The following PRRC2B variants were observed in gnomAD, a reference collection of about 807,000 sequenced individuals.
PRRC2B encodes the protein protein PRRC2B.
PRRC2B carries 68 observed loss-of-function variants against 242.3 expected under a neutral mutation model. The observed-to-expected ratio is 0.28, with a 90% CI of 0.23 to 0.34. The LOEUF (loss-of-function observed/expected upper bound fraction) is 0.34. Among genes scored for constraint, PRRC2B ranks in the 10% least tolerant of loss-of-function variants. The pLI is 1.00. For synonymous variants in PRRC2B, 1,228 were observed against 1,173.6 expected, an observed-to-expected ratio of 1.05 and a Z score of -0.95; for missense variants, 2,835 against 2,954.8, an observed-to-expected ratio of 0.96 and a Z score of 0.94.
intron 1 of PRRC2B, among the ~76,000 whole-genome samples, chr9:131,426,017 GA>G: frequency 6.7e-6 from 1 of 149,476 alleles, no homozygotes; most frequent in Non-Finnish European, 1.5e-5. Flanking sequence ...TCAACAAAAA[GA>G]AAAAAAATCA....
intron 1 of PRRC2B, among the ~76,000 whole-genome samples, chr9:131,396,592 C>T (rs1837066184): frequency 6.6e-6 from 1 of 152,166 alleles, no homozygotes; most frequent in Non-Finnish European, 1.5e-5. Flanking sequence ...TCCCAAAGTG[C>T]TGGGATTACA....
intron 1 of PRRC2B, among the ~76,000 whole-genome samples, chr9:131,408,788 C>T (rs373947151): frequency 2.0e-5 from 3 of 150,356 alleles, no homozygotes; most frequent in Non-Finnish European, 3.0e-5. Flanking sequence ...GATATGATCT[C>T]GGCTCACTGC....
intron 25 of PRRC2B, chr9:131,485,667 T>C (rs118051327): frequency 0.025 from 13,515 of 538,518 alleles, 255 homozygotes; most frequent in Middle Eastern, 0.047. Flanking sequence ...GCTGCCAGTC[T>C]CAGTGATGTA....
intron 23 of PRRC2B, among the ~76,000 whole-genome samples, chr9:131,484,325 G>T (rs1440073936): frequency 6.6e-6 from 1 of 152,126 alleles, no homozygotes; most frequent in Non-Finnish European, 1.5e-5. Context: ...TTATACTGCC[G>T]GGACATGGCT....
rs1386424610 is a variant in PRRC2B, at chr9:131,426,943, T to A, written c.-51-3151T>A. Reference sequence around the variant, plus strand: ...GCAGCTGAATAAACTGGGATTTGGGTGAGGGAAGGGAGTTAAGTAACCAAC... The same window carrying A: ...GCAGCTGAATAAACTGGGATTTGGGAGAGGGAAGGGAGTTAAGTAACCAAC... On this transcript the variant is annotated intron_variant, in intron 1 of 31. Transcript: ENST00000683519. Among the ~76,000 whole-genome samples the A allele has an allele frequency of 2.0e-5, 3 of 152,298 alleles. 1 individual carries two copies. The highest frequency in any genetic ancestry group is 4.1e-4 in the South Asian group (2 of 4,826).
chr9:131,409,811 CTTTG>C (rs1376665882), intron 1 of PRRC2B, among the ~76,000 whole-genome samples: 4 of 152,200 alleles, frequency 2.6e-5, no homozygotes, highest in Non-Finnish European at 4.4e-5. Context: ...TCAGAAACTG[CTTTG>C]TTTATCTGGT....
rs1943901878 is a variant in PRRC2B at position 131,482,624 on chromosome 9, ATCT to A, written c.5175+65_5175+67del. 2.0e-6 allele frequency: 3 copies of A among 1,528,274 alleles called. No homozygotes were observed. The highest frequency in any genetic ancestry group is 2.1e-5 in the Admixed American group (1 of 47,782). The allele number at this position is 1,528,274 out of a possible 1,614,324, so 94.7% of individuals were successfully genotyped here. ...GGGTGGAAGGGGCCATCGTCTCATC[ATCT>A]TCCTCAATTCCTGGGACAGTAGAAG... is the stretch of plus-strand genomic sequence containing the variant. On this transcript the variant is annotated intron_variant, in intron 21 of 31. Transcript: ENST00000683519. This position sits in a 1 kb window ranked among gnomAD's most constrained non-coding sequence, Gnocchi z 5.2.
chr9:131,450,267 ATT>A (rs368794681), intron 9 of PRRC2B, among the ~76,000 whole-genome samples: 3 of 145,486 alleles, frequency 2.1e-5, no homozygotes, highest in South Asian at 2.2e-4. Context: ...GACATCTTAA[ATT>A]TTTTTTTTTT....
chr9:131,394,172 C>T lies in PRRC2B; in HGVS notation c.-143C>T, dbSNP rs1448003047. 1 of 149,596 alleles carries T rather than the reference C, an allele frequency of 6.7e-6. No individual in the cohort carries two copies. Among genetic ancestry groups the T allele is most frequent in the Non-Finnish European group, 1.5e-5 (1 of 67,004 alleles). The allele number at this position is 149,596 out of a possible 1,614,324, so 9.3% of individuals were successfully genotyped here. A position where few individuals can be genotyped will look rare whatever the true frequency, so the allele number is the denominator to read the frequency against. On this transcript the variant is annotated 5_prime_UTR_variant, in exon 1 of 32. Transcript: ENST00000683519. ...AGCGAGCGAGCAGCCCGCGCCGCCG[C>T]CTCGCAATCCGCCGCCATCCCGCCG...
Position 131,482,258 on chromosome 9 carries a change from T to G in PRRC2B, c.4984-113T>G. On this transcript the variant is annotated intron_variant, in intron 20 of 31. Transcript: ENST00000683519. The surrounding 1 kb of genome is among the most constrained non-coding windows in gnomAD (Gnocchi z 5.2). ...GGCAGGATCAAGATCAGGACCAGAC[T>G]TGGCAAGGGACAGGCAGCTGGGGTA... The G allele has an allele frequency of 8.2e-7, 1 of 1,219,216 alleles. No individual in the cohort carries two copies. The highest frequency in any genetic ancestry group is 1.2e-6 in the Non-Finnish European group (1 of 866,810). 75.5% of individuals were successfully genotyped at this position (1,219,216 alleles called of 1,614,324 possible). A position where few individuals can be genotyped will look rare whatever the true frequency, so the allele number is the denominator to read the frequency against.
At chr9:131,420,453 T>TTTCTTTCTCTCTTTCTCTC (rs1564278457) in intron 1 of PRRC2B, among the ~76,000 whole-genome samples, 1 of 60,988 alleles carries the variant, frequency 1.6e-5, no homozygotes. Context: ...TTCTTTTTCT[T>TTTCTTTCTCTCTTTCTCTC]TTTCTTTCTT....
chr9:131,413,210 T>C (rs1837550797), intron 1 of PRRC2B, among the ~76,000 whole-genome samples: 1 of 152,252 alleles, frequency 6.6e-6, no homozygotes. Context: ...TTTACCTTTC[T>C]TAGCATTCCA....
At chr9:131,409,567 G>C (rs1837453081) in intron 1 of PRRC2B, among the ~76,000 whole-genome samples, 1 of 152,184 alleles carries the variant, frequency 6.6e-6, no homozygotes, top group Non-Finnish European at 1.5e-5. Flanking sequence ...AAGGTAACTC[G>C]CATGCATTTC....
chr9:131,438,680 GGA>G (rs745781170), intron 4 of PRRC2B, among the ~76,000 whole-genome samples: 37 of 152,308 alleles, frequency 2.4e-4, no homozygotes, highest in Non-Finnish European at 3.7e-4. Context: ...AGCACCGAAT[GGA>G]GAGAAACAGG....
At chr9:131,459,455 A>T (rs1439097336) in intron 11 of PRRC2B, 99 bp downstream of exon 11, 1 of 1,011,280 alleles carries the variant, frequency 9.9e-7, no homozygotes, top group Non-Finnish European at 1.4e-6. Flanking sequence ...TTTCATTTTT[A>T]TATTTCTTCT....
chr9:131,427,027 G>T (rs998666872), intron 1 of PRRC2B, among the ~76,000 whole-genome samples: 1 of 152,238 alleles, frequency 6.6e-6, no homozygotes, highest in Non-Finnish European at 1.5e-5. Context: ...AGGGCACAGT[G>T]TCGGCCCCTG....
At chr9:131,388,606 C>G (rs138455227) in intron 1 of PRRC2B, among the ~76,000 whole-genome samples, 1 of 145,548 alleles carries the variant, frequency 6.9e-6, no homozygotes, top group Admixed American at 7.2e-5. Flanking sequence ...TGCAGTGGCG[C>G]GATCTTGGCT....
At chr9:131,485,172 C>A (rs1170278110) in intron 25 of PRRC2B, 32 bp downstream of exon 25, 4 of 1,490,250 alleles carry the variant, frequency 2.7e-6, no homozygotes, top group Non-Finnish European at 3.6e-6. Context: ...GCCTTGGGGT[C>A]CTTCTCCATT....
rs1184238224 is a variant in PRRC2B, at chr9:131,496,732, G to A, written c.*858G>A. On this transcript the variant is annotated 3_prime_UTR_variant, in exon 32 of 32. Coordinates refer to ENST00000683519, the MANE Select transcript of PRRC2B (RefSeq NM_013318.4). Reference sequence around the variant, plus strand: ...AGTTTTAGCATGAGAATCACACAGGGTCCCTGTCCTGGGCTCCTCTAAAGC... The same window carrying A: ...AGTTTTAGCATGAGAATCACACAGGATCCCTGTCCTGGGCTCCTCTAAAGC... 1 of 152,194 alleles carries A rather than the reference G, an allele frequency of 6.6e-6. No homozygotes were observed. The highest frequency in any genetic ancestry group is 1.9e-4 in the East Asian group (1 of 5,184). The allele number at this position is 152,194 out of a possible 1,614,324, so 9.4% of individuals were successfully genotyped here. A position where few individuals can be genotyped will look rare whatever the true frequency, so the allele number is the denominator to read the frequency against.
Sources: allele counts gnomAD v4.1 joint callset (sites outside exome capture counted in the v4.1 genomes callset), GRCh38; gene constraint gnomAD v4.1.1; non-coding constraint Gnocchi (gnomAD v3.1); transcripts MANE v1.5; gene names NCBI Gene and HGNC (gene_info 2026-07-23, HGNC 2026-07-21).